RBPMS: variants seen among roughly 807,000 people sequenced by gnomAD.
RBPMS encodes the protein RNA binding protein, mRNA processing factor.
RBPMS carries 7 observed loss-of-function variants against 26.8 expected under a neutral mutation model. The observed-to-expected ratio is 0.26, with a 90% CI of 0.15 to 0.49. The LOEUF is 0.49. Among genes scored for constraint, RBPMS ranks in the 20% least tolerant of loss-of-function variants. The pLI, the probability that RBPMS is intolerant of heterozygous loss-of-function variation, is 0.98. For synonymous variants in RBPMS, 96 were observed against 93.3 expected, an observed-to-expected ratio of 1.03 and a Z score of -0.17; for missense variants, 186 against 250.0, an observed-to-expected ratio of 0.74 and a Z score of 1.73.
chr8:30,447,600 A>G (rs1322593642), intron 1 of RBPMS, among the ~76,000 whole-genome samples: 2 of 152,236 alleles, frequency 1.3e-5, no homozygotes, highest in South Asian at 2.1e-4. Flanking sequence ...TTCTTAATTT[A>G]GGAAAGACTT....
At chr8:30,499,637 C>T (rs1563378879) in intron 4 of RBPMS, among the ~76,000 whole-genome samples, 2 of 152,018 alleles carry the variant, frequency 1.3e-5, no homozygotes, top group Non-Finnish European at 2.9e-5. Flanking sequence ...AAATCGAGGG[C>T]TACTCTACAA....
chr8:30,568,715 G>A (rs553658534), intron 8 of RBPMS, among the ~76,000 whole-genome samples: 1 of 152,236 alleles, frequency 6.6e-6, no homozygotes, highest in South Asian at 2.1e-4. Flanking sequence ...CCCTCCGTGG[G>A]GCTGTGTTCC....
chr8:30,518,687 CTTTTTTTTTTTTTTT>C (rs58763494), intron 5 of RBPMS, among the ~76,000 whole-genome samples: 74 of 18,244 alleles, frequency 4.1e-3, no homozygotes, highest in African/African-American at 0.013. Context: ...CCAAGCATGA[CTTTTTTTTTTTTTTT>C]TTTTTTTTTT....
At chr8:30,549,435 A>G (rs1563438830) in intron 6 of RBPMS, 6 of 1,416,652 alleles carry the variant, frequency 4.2e-6, no homozygotes, top group Non-Finnish European at 5.0e-6. Context: ...AAGGCCTTCC[A>G]TTGTTTTCAG....
chr8:30,385,063 T>A lies in RBPMS; in HGVS notation c.-30T>A. Reference sequence around the variant, plus strand: ...CTCGCCCAGCCCCGCGCCCCAGCCCTGCCCGGCCCGGCGAGGAAGGACCGG... The same window carrying A: ...CTCGCCCAGCCCCGCGCCCCAGCCCAGCCCGGCCCGGCGAGGAAGGACCGG... On this transcript the variant is annotated 5_prime_UTR_variant, in exon 1 of 9. Coordinates refer to ENST00000397323, the MANE Select transcript of RBPMS (RefSeq NM_001008710.3). 6.7e-7 allele frequency: 1 copy of A among 1,490,922 alleles called. No homozygotes were observed. The allele number at this position is 1,490,922 out of a possible 1,614,324, so 92.4% of individuals were successfully genotyped here.
intron 5 of RBPMS, among the ~76,000 whole-genome samples, chr8:30,541,323 A>G (rs1825371593): frequency 6.6e-6 from 1 of 152,218 alleles, no homozygotes; most frequent in Admixed American, 6.5e-5. Flanking sequence ...AAGGGATTAC[A>G]GGGTGGAGTT....
At chr8:30,458,861 G>A (rs891490069) in intron 1 of RBPMS, among the ~76,000 whole-genome samples, 3 of 152,118 alleles carry the variant, frequency 2.0e-5, no homozygotes, top group Non-Finnish European at 2.9e-5. Context: ...AAAGGCATGG[G>A]CCACCACATC....
At chr8:30,522,274 A>C (rs1165391962) in intron 5 of RBPMS, among the ~76,000 whole-genome samples, 1 of 143,074 alleles carries the variant, frequency 7.0e-6, no homozygotes, top group Non-Finnish European at 1.5e-5. Flanking sequence ...TCTCTATTTA[A>C]AAAAAAAAAA....
intron 1 of RBPMS, among the ~76,000 whole-genome samples, chr8:30,435,850 G>C (rs1387808328): frequency 6.6e-6 from 1 of 152,182 alleles, no homozygotes; most frequent in Non-Finnish European, 1.5e-5. Flanking sequence ...TTGTCATCCA[G>C]CCTAGAGTGC....
rs181441408 is a variant in RBPMS at position 30,531,188 on chromosome 8, C to T, written c.398-13306C>T. On this transcript the variant is annotated intron_variant, in intron 5 of 8. Coordinates refer to ENST00000397323, the MANE Select transcript of RBPMS (RefSeq NM_001008710.3). Reference sequence around the variant, plus strand: ...ATCTTCTTAATACTTAACCAGCAGTCGGTTCTAGATTTGTAGGGGACCTTG... The same window carrying T: ...ATCTTCTTAATACTTAACCAGCAGTTGGTTCTAGATTTGTAGGGGACCTTG... 1.6e-3 allele frequency among the ~76,000 whole-genome samples: 245 copies of T among 152,164 alleles called. 5 individuals carry two copies. In the East Asian group the frequency reaches 0.016, roughly 10 times the overall value.
chr8:30,522,895 C>CTT (rs1364822899), intron 5 of RBPMS, among the ~76,000 whole-genome samples: 1 of 151,996 alleles, frequency 6.6e-6, no homozygotes, highest in African/African-American at 2.4e-5. Context: ...GTTATTTGTC[C>CTT]ATTTCTTCTT....
chr8:30,442,073 C>T (rs1046837995), intron 1 of RBPMS, among the ~76,000 whole-genome samples: 1 of 152,154 alleles, frequency 6.6e-6, no homozygotes, highest in Non-Finnish European at 1.5e-5. Flanking sequence ...CAGGTATGAG[C>T]CACCGCGCCC....
intron 1 of RBPMS, among the ~76,000 whole-genome samples, chr8:30,393,643 A>G (rs952939150): frequency 4.0e-5 from 6 of 151,720 alleles, no homozygotes; most frequent in African/African-American, 1.5e-4. Flanking sequence ...TCAGCCTCCC[A>G]AGTAGCTGGG....
At chr8:30,493,244 A>G (rs939081630) in intron 4 of RBPMS, among the ~76,000 whole-genome samples, 1 of 152,186 alleles carries the variant, frequency 6.6e-6, no homozygotes, top group African/African-American at 2.4e-5. Context: ...AATTTAACTG[A>G]ATTGAGAGCT....
intron 6 of RBPMS, among the ~76,000 whole-genome samples, chr8:30,552,141 A>C (rs756095208): frequency 5.9e-5 from 9 of 152,080 alleles, no homozygotes; most frequent in Non-Finnish European, 1.2e-4. Context: ...AGCCAGGGTG[A>C]GAATGGTCCG....
At chr8:30,456,408 T>G (rs1015380081) in intron 1 of RBPMS, among the ~76,000 whole-genome samples, 2 of 152,186 alleles carry the variant, frequency 1.3e-5, no homozygotes, top group Admixed American at 1.3e-4. Context: ...GTCCATATTC[T>G]TATTCCCTGG....
chr8:30,514,698 T>TTTTTTTTTTTA, intron 5 of RBPMS, among the ~76,000 whole-genome samples: 1 of 141,880 alleles, frequency 7.0e-6, no homozygotes, highest in Non-Finnish European at 1.5e-5. Flanking sequence ...TTTTTTTTTT[T>TTTTTTTTTTTA]TTTTTAATGT....
intron 3 of RBPMS, 67 bp downstream of exon 3, chr8:30,477,904 G>C: frequency 9.1e-7 from 1 of 1,098,186 alleles, no homozygotes; most frequent in Non-Finnish European, 1.4e-6. Context: ...GCTGGGGCTT[G>C]ACATTCTTTT....
At chr8:30,490,726 A>G (rs888050254) in intron 4 of RBPMS, among the ~76,000 whole-genome samples, 4 of 152,264 alleles carry the variant, frequency 2.6e-5, no homozygotes, top group Admixed American at 6.5e-5. Context: ...CGGCCTCCCA[A>G]CTGACTTAGA....
Sources: gnomAD v4.1 joint callset for allele counts (sites outside exome capture counted in the v4.1 genomes callset) on GRCh38, gnomAD v4.1.1 for gene constraint, MANE v1.5 for transcripts, NCBI Gene and HGNC (gene_info 2026-07-23, HGNC 2026-07-21) for gene names.